MAPDA: variants seen among roughly 807,000 people sequenced by gnomAD.
The protein encoded by MAPDA is N6-Methyl-AMP deaminase.
the MAPDA span, among the ~76,000 whole-genome samples, chr15:43,350,394 C>T: frequency 6.6e-6 from 1 of 151,924 alleles, no homozygotes; most frequent in Non-Finnish European, 1.5e-5. Flanking sequence ...AGGAGTCATT[C>T]TTAAGATGGA....
At chr15:43,341,707 A>G in the MAPDA span, among the ~76,000 whole-genome samples, 1 of 152,086 alleles carries the variant, frequency 6.6e-6, no homozygotes. Flanking sequence ...GTGAACCATG[A>G]TCGTGCCACT....
chr15:43,352,451 T>C, the MAPDA span: 1 of 152,246 alleles, frequency 6.6e-6, no homozygotes, highest in African/African-American at 2.4e-5. Flanking sequence ...CCCAGCACTT[T>C]GGGAAGCCAA....
At chr15:43,337,144 C>T in the MAPDA span, among the ~76,000 whole-genome samples, 3 of 150,868 alleles carry the variant, frequency 2.0e-5, no homozygotes, top group African/African-American at 7.3e-5. Flanking sequence ...GGCATGGTGG[C>T]GGGTGCCTGT....
At chr15:43,351,444 A>G in the MAPDA span, 11 of 356,402 alleles carry the variant, frequency 3.1e-5, no homozygotes, top group African/African-American at 6.3e-5. Flanking sequence ...AAAAAAACTG[A>G]TGCTCTGCAC....
chr15:43,346,916 TA>T, the MAPDA span: 16 of 886,934 alleles, frequency 1.8e-5, no homozygotes, highest in Non-Finnish European at 2.7e-5. Flanking sequence ...AATCTACCAT[TA>T]TTTTTTTCTG....
the MAPDA span, among the ~76,000 whole-genome samples, chr15:43,337,434 G>T: frequency 6.6e-6 from 1 of 152,170 alleles, no homozygotes; most frequent in Non-Finnish European, 1.5e-5. Context: ...TTAATCCCTA[G>T]GGAAATTGTG....
the MAPDA span, chr15:43,333,334 T>A: frequency 2.6e-5 from 4 of 152,110 alleles, no homozygotes; most frequent in Admixed American, 2.6e-4. Context: ...GAGGATCGCT[T>A]GAGTCTGGAA....
the MAPDA span, chr15:43,347,031 G>T: frequency 1.2e-6 from 2 of 1,613,756 alleles, no homozygotes; most frequent in South Asian, 1.1e-5. Flanking sequence ...ACAAGCAAAA[G>T]ACTTCTTGGA....
the MAPDA span, chr15:43,330,772 AG>A: frequency 2.8e-6 from 1 of 354,520 alleles, no homozygotes; most frequent in Admixed American, 4.3e-5. Context: ...CATGAGTGTT[AG>A]GGAAGGCGGG....
At chr15:43,330,830 A>G in the MAPDA span, 1 of 219,640 alleles carries the variant, frequency 4.6e-6, no homozygotes, top group Non-Finnish European at 8.9e-6. Flanking sequence ...AACCTTGCCT[A>G]AGTCCTTGTA....
the MAPDA span, among the ~76,000 whole-genome samples, chr15:43,337,465 A>C: frequency 6.6e-6 from 1 of 152,158 alleles, no homozygotes; most frequent in African/African-American, 2.4e-5. Flanking sequence ...GAGGGCACAA[A>C]GGATACCACT....
the MAPDA span, chr15:43,351,141 TA>T: frequency 8.4e-7 from 1 of 1,192,046 alleles, no homozygotes. Flanking sequence ...TGCCTGAGGA[TA>T]ATGCCCAAGT....
the MAPDA span, chr15:43,330,622 T>C: frequency 1.5e-5 from 16 of 1,078,144 alleles, no homozygotes; most frequent in African/African-American, 2.5e-4. Context: ...CCGGCACTTG[T>C]GCGTCACTTC....
chr15:43,332,705 C>A, the MAPDA span, among the ~76,000 whole-genome samples: 2 of 152,132 alleles, frequency 1.3e-5, no homozygotes, highest in Non-Finnish European at 2.9e-5. Flanking sequence ...GTGCCTGGCT[C>A]ATGGTAAGTG....
At chr15:43,331,085 G>A in the MAPDA span, among the ~76,000 whole-genome samples, 4 of 152,210 alleles carry the variant, frequency 2.6e-5, no homozygotes, top group Non-Finnish European at 5.9e-5. Flanking sequence ...TGAAGAAACC[G>A]ACCTTTACAA....
the MAPDA span, among the ~76,000 whole-genome samples, chr15:43,334,633 T>TTATATATATATATATATA: frequency 0.035 from 2,254 of 64,650 alleles, 230 homozygotes; most frequent in Non-Finnish European, 0.057. Context: ...CTCAAAAAAA[T>TTATATATATATATATATA]TATATATATA....
the MAPDA span, chr15:43,351,459 C>T: frequency 2.5e-6 from 1 of 400,186 alleles, no homozygotes; most frequent in African/African-American, 2.0e-5. Context: ...CTGCACCCAT[C>T]CCATGAGATT....
the MAPDA span, among the ~76,000 whole-genome samples, chr15:43,337,950 A>G: frequency 7.9e-5 from 12 of 152,232 alleles, no homozygotes; most frequent in Non-Finnish European, 1.0e-4. Context: ...ATAAGGATTT[A>G]TAGGGAACCA....
the MAPDA span, among the ~76,000 whole-genome samples, chr15:43,339,252 T>C: frequency 6.6e-6 from 1 of 152,224 alleles, no homozygotes; most frequent in East Asian, 1.9e-4. Context: ...TGGAGTTTCA[T>C]GTGATTTAGA....
Sources: gnomAD v4.1 joint callset for allele counts (sites outside exome capture counted in the v4.1 genomes callset) on GRCh38, gnomAD v4.1.1 for gene constraint, MANE v1.5 for transcripts, NCBI Gene and HGNC (gene_info 2026-07-23, HGNC 2026-07-21) for gene names.